SUMF1: variants seen among roughly 807,000 people sequenced by gnomAD.
The protein encoded by SUMF1 is sulfatase modifying factor 1.
SUMF1 carries 48 observed loss-of-function variants against 47.6 expected under a neutral mutation model. The ratio of observed to expected loss-of-function variants is 1.01; its 90% CI spans 0.80 to 1.28. The LOEUF (loss-of-function observed/expected upper bound fraction) is 1.28. Ranked by LOEUF, SUMF1 falls within the 50% of genes most tolerant of loss-of-function variation. The probability of loss-of-function intolerance (pLI) is 0.00; values close to 1 mark genes in which losing one functional copy is unlikely to be tolerated. For synonymous variants in SUMF1, 230 were observed against 192.1 expected, an observed-to-expected ratio of 1.20 and a Z score of -1.63; for missense variants, 571 against 485.4, an observed-to-expected ratio of 1.18 and a Z score of -1.66.
chr3:4,345,149 G>T (rs1699349580), intron 8 of SUMF1, among the ~76,000 whole-genome samples: 1 of 152,180 alleles, frequency 6.6e-6, no homozygotes, highest in Non-Finnish European at 1.5e-5. Flanking sequence ...AACCTAGCAA[G>T]ACAGGCCAAC....
chr3:4,305,971 C>T (rs542509274), intron 8 of SUMF1, among the ~76,000 whole-genome samples: 9 of 152,316 alleles, frequency 5.9e-5, no homozygotes, highest in African/African-American at 2.2e-4. Flanking sequence ...GTCAAAAACA[C>T]TGATTTAAAA....
At chr3:4,084,189 C>G (rs2125047556) in intron 8 of SUMF1, among the ~76,000 whole-genome samples, 1 of 152,174 alleles carries the variant, frequency 6.6e-6, no homozygotes, top group African/African-American at 2.4e-5. Flanking sequence ...TGGGCAAATT[C>G]ACAACTCCCT....
intron 8 of SUMF1, among the ~76,000 whole-genome samples, chr3:4,074,636 AT>A (rs1692377957): frequency 6.6e-6 from 1 of 152,236 alleles, no homozygotes; most frequent in East Asian, 1.9e-4. Context: ...AATAGACCCA[AT>A]AAAAAATGAT....
intron 8 of SUMF1, among the ~76,000 whole-genome samples, chr3:4,258,474 A>G (rs1400965367): frequency 7.0e-6 from 1 of 143,104 alleles, no homozygotes; most frequent in Non-Finnish European, 1.5e-5. Context: ...ACACTTCTCA[A>G]AAGAAGACAT....
chr3:4,236,598 T>C (rs185974903), intron 8 of SUMF1, among the ~76,000 whole-genome samples: 90 of 151,994 alleles, frequency 5.9e-4, no homozygotes, highest in Non-Finnish European at 1.0e-3. Context: ...TCTAAATAAA[T>C]AAATAAATAA....
intron 1 of SUMF1, among the ~76,000 whole-genome samples, chr3:4,464,066 C>T (rs1211322719): frequency 6.6e-6 from 1 of 151,812 alleles, no homozygotes; most frequent in Non-Finnish European, 1.5e-5. Context: ...TACACAAAAA[C>T]AAAAAAAGAC....
chr3:4,223,095 T>C (rs1416311111), intron 8 of SUMF1, among the ~76,000 whole-genome samples: 1 of 152,140 alleles, frequency 6.6e-6, no homozygotes, highest in Non-Finnish European at 1.5e-5. Context: ...ATGATTAATG[T>C]TCAACAAAGA....
intron 3 of SUMF1, among the ~76,000 whole-genome samples, chr3:4,427,425 T>A (rs1006421646): frequency 2.0e-5 from 3 of 152,146 alleles, no homozygotes; most frequent in African/African-American, 7.2e-5. Context: ...AGGAATTAAA[T>A]GGAGTAAAGA....
chr3:4,221,064 T>C (rs950073714), intron 8 of SUMF1, among the ~76,000 whole-genome samples: 1 of 152,138 alleles, frequency 6.6e-6, no homozygotes, highest in Non-Finnish European at 1.5e-5. Context: ...GGGAGAGACA[T>C]GTTAAAATAA....
intron 3 of SUMF1, among the ~76,000 whole-genome samples, chr3:4,421,921 C>T (rs1317644803): frequency 1.3e-5 from 2 of 152,198 alleles, no homozygotes; most frequent in Non-Finnish European, 2.9e-5. Flanking sequence ...TATGTCCCTG[C>T]TAACAATTAC....
intron 8 of SUMF1, among the ~76,000 whole-genome samples, chr3:4,143,383 G>A (rs1281745699): frequency 6.6e-6 from 1 of 152,066 alleles, no homozygotes; most frequent in Admixed American, 6.6e-5. Context: ...ACTGTCAAGT[G>A]TACCTTGCAA....
chr3:4,449,366 T>A (rs1252322660), intron 2 of SUMF1, 26 bp from the exon 3 acceptor site: 8 of 1,612,466 alleles, frequency 5.0e-6, no homozygotes, highest in East Asian at 2.2e-5. Flanking sequence ...GAAATAAAAA[T>A]CCAGAAAAGG....
chr3:4,215,046 A>G (rs1695888079), intron 8 of SUMF1, among the ~76,000 whole-genome samples: 3 of 152,206 alleles, frequency 2.0e-5, no homozygotes, highest in Non-Finnish European at 2.9e-5. Flanking sequence ...AACTCATTTT[A>G]TGAGGCCAAC....
intron 8 of SUMF1, among the ~76,000 whole-genome samples, chr3:4,267,719 TAA>T (rs1697225156): frequency 6.6e-6 from 1 of 150,546 alleles, no homozygotes; most frequent in Non-Finnish European, 1.5e-5. Context: ...TGGCAATCAT[TAA>T]AAAGTCAGGA....
chr3:4,066,347 G>C (rs1356623239), intron 9 of SUMF1, among the ~76,000 whole-genome samples: 1 of 151,968 alleles, frequency 6.6e-6, no homozygotes, highest in Admixed American at 6.6e-5. Flanking sequence ...TAAAAAGTGA[G>C]GAGATAACTA....
At chr3:4,249,441 T>C (rs913909545) in intron 8 of SUMF1, among the ~76,000 whole-genome samples, 3 of 152,210 alleles carry the variant, frequency 2.0e-5, no homozygotes, top group African/African-American at 7.2e-5. Flanking sequence ...ATATTTCAAA[T>C]TTTTATTATT....
intron 3 of SUMF1, among the ~76,000 whole-genome samples, chr3:4,435,033 T>C (rs1234909751): frequency 6.6e-6 from 1 of 152,182 alleles, no homozygotes; most frequent in African/African-American, 2.4e-5. Flanking sequence ...GTTCAAGTGA[T>C]TCTTATGTCT....
In SUMF1 at chr3:4,222,985, T is replaced by C. The variant is rs112748584; in HGVS notation, c.1014+153345A>G. Among the ~76,000 whole-genome samples, 3 of 152,210 alleles carry C rather than the reference T, an allele frequency of 2.0e-5. 1 individual carries two copies. The highest frequency in any genetic ancestry group is 7.2e-5 in the African/African-American group (3 of 41,542). ...AAATTAGAATACAAAGTAATCTGCA[T>C]AGGATGAGGGTGTGACAGTGTGGTA... is the stretch of plus-strand genomic sequence containing the variant. On this transcript the variant is annotated intron_variant and NMD_transcript_variant, in intron 8 of 12. Coordinates refer to the SUMF1 transcript ENST00000448413.
At chr3:4,197,617 C>T (rs1352539496) in intron 8 of SUMF1, among the ~76,000 whole-genome samples, 1 of 152,102 alleles carries the variant, frequency 6.6e-6, no homozygotes, top group Non-Finnish European at 1.5e-5. Context: ...GTTGGTCCCC[C>T]AAGGAATGGC....
Sources: gnomAD v4.1 joint callset for allele counts (sites outside exome capture counted in the v4.1 genomes callset) on GRCh38, gnomAD v4.1.1 for gene constraint, MANE v1.5 for transcripts, NCBI Gene and HGNC (gene_info 2026-07-23, HGNC 2026-07-21) for gene names.